The following IQSEC1 variants were observed in gnomAD, a reference collection of about 807,000 sequenced individuals.
The protein encoded by IQSEC1 is IQ motif and SEC7 domain-containing protein 1.
IQSEC1 carries 31 observed loss-of-function variants against 91.0 expected under a neutral mutation model. That is an observed-to-expected ratio of 0.34 (90% confidence interval 0.26 to 0.46). The LOEUF (loss-of-function observed/expected upper bound fraction) is 0.46. IQSEC1 is among the 20% of genes least tolerant of loss of function. The pLI is 1.00. For synonymous variants in IQSEC1, 699 were observed against 662.6 expected (o/e 1.05, Z -0.84); for missense variants, 1,388 against 1,575.6 (o/e 0.88, Z 2.02).
At chr3:13,169,766 A>C (rs1390584730) in intron 1 of IQSEC1, among the ~76,000 whole-genome samples, 1 of 152,220 alleles carries the variant, frequency 6.6e-6, no homozygotes, top group African/African-American at 2.4e-5. Context: ...TGAACTTGAG[A>C]GAGATGATTT....
intron 1 of IQSEC1, chr3:12,987,015 G>T (rs555154307): frequency 1.6e-5 from 7 of 443,026 alleles, no homozygotes; most frequent in South Asian, 6.3e-5. Context: ...ACAAACAGCC[G>T]CAGCCTGGCT....
At position 12,900,932 on chromosome 3, in the gene IQSEC1, C is replaced by T. The variant is rs368586258; in HGVS notation, c.*51G>A. On this transcript the variant is annotated 3_prime_UTR_variant, in exon 14 of 14. Transcript: ENST00000613206. ...GCGGCTGGCGACCCCCGGGCGTGCC[C>T]TGTGTGGTGTGCAGGTGTTTCAGGG... 16 of 1,538,086 alleles carry T rather than the reference C, an allele frequency of 1.0e-5. No individual in the cohort carries two copies. The highest frequency in any genetic ancestry group is 9.8e-5 in the East Asian group (4 of 40,890).
At chr3:13,028,156 A>G (rs1308324400) in intron 1 of IQSEC1, among the ~76,000 whole-genome samples, 1 of 146,394 alleles carries the variant, frequency 6.8e-6, no homozygotes, top group Non-Finnish European at 1.5e-5. Flanking sequence ...TTGCTTATCC[A>G]TTTCTCACGC....
chr3:12,923,931 TTTC>T (rs1355523968), intron 4 of IQSEC1, among the ~76,000 whole-genome samples: 4 of 152,230 alleles, frequency 2.6e-5, no homozygotes, highest in African/African-American at 9.6e-5. Flanking sequence ...TTCTGCAGGC[TTTC>T]AAGTAGCCGG....
At chr3:13,144,765 C>G (rs929803302) in intron 2 of IQSEC1, among the ~76,000 whole-genome samples, 6 of 152,216 alleles carry the variant, frequency 3.9e-5, no homozygotes, top group African/African-American at 1.4e-4. Flanking sequence ...CCTGGAGGCA[C>G]GAAAAGGCCA....
chr3:13,067,745 G>C (rs1406297431), intron 1 of IQSEC1, among the ~76,000 whole-genome samples: 1 of 152,234 alleles, frequency 6.6e-6, no homozygotes, highest in African/African-American at 2.4e-5. Flanking sequence ...CACTGGCTGT[G>C]ACCCTGAGCA....
At chr3:13,081,989 C>G (rs1705653386) in intron 2 of IQSEC1, among the ~76,000 whole-genome samples, 1 of 152,308 alleles carries the variant, frequency 6.6e-6, no homozygotes, top group South Asian at 2.1e-4. Flanking sequence ...TGAATGAGAG[C>G]AGGGCCACCG....
intron 1 of IQSEC1, among the ~76,000 whole-genome samples, chr3:12,951,504 A>G (rs1169247370): frequency 6.6e-6 from 1 of 152,076 alleles, no homozygotes; most frequent in African/African-American, 2.4e-5. Context: ...CCAGCAAGAC[A>G]GGAACAGTGA....
At chr3:13,190,641 A>G (rs1435380822) in intron 1 of IQSEC1, among the ~76,000 whole-genome samples, 1 of 152,166 alleles carries the variant, frequency 6.6e-6, no homozygotes, top group Non-Finnish European at 1.5e-5. Flanking sequence ...AGTGTCTACG[A>G]AGGATGGAAT....
chr3:12,902,136 C>T (rs185838594), intron 13 of IQSEC1, among the ~76,000 whole-genome samples: 2 of 152,172 alleles, frequency 1.3e-5, no homozygotes, highest in Non-Finnish European at 1.5e-5. Flanking sequence ...AAGAAGGTAA[C>T]AGAAAAAGAT....
chr3:12,994,640 C>T lies in IQSEC1; in HGVS notation c.24-52775G>A, dbSNP rs1017778126. On this transcript the variant is annotated intron_variant, in intron 1 of 13. Transcript: ENST00000613206. The surrounding 1 kb of genome is among the most constrained non-coding windows in gnomAD (Gnocchi z 4.5). ...AACGCCCCACCCCCGCCGCCGTCCC[C>T]AGTTCGCAGATGGGAACACTGAGGC... is the stretch of plus-strand genomic sequence containing the variant. 6.6e-6 allele frequency among the ~76,000 whole-genome samples: 1 copy of T among 152,250 alleles called. No homozygotes were observed. Among genetic ancestry groups the T allele is most frequent in the Non-Finnish European group, 1.5e-5 (1 of 68,046 alleles).
At chr3:12,921,806 G>A (rs1696656602) in intron 5 of IQSEC1, among the ~76,000 whole-genome samples, 1 of 152,204 alleles carries the variant, frequency 6.6e-6, no homozygotes, top group Non-Finnish European at 1.5e-5. Flanking sequence ...AGAGCATTCA[G>A]AATCCTGATG....
At chr3:13,089,772 GGGA>G (rs1375787189) in intron 2 of IQSEC1, among the ~76,000 whole-genome samples, 1 of 152,214 alleles carries the variant, frequency 6.6e-6, no homozygotes, top group African/African-American at 2.4e-5. Context: ...GCCAGGGAAT[GGGA>G]GGAGGCCTAG....
intron 2 of IQSEC1, among the ~76,000 whole-genome samples, chr3:13,109,315 G>C (rs1165850195): frequency 6.6e-6 from 1 of 152,086 alleles, no homozygotes; most frequent in Non-Finnish European, 1.5e-5. Flanking sequence ...TAAAAGAAGA[G>C]AGATGAAGGA....
chr3:13,085,623 C>T (rs1032429328), intron 2 of IQSEC1, among the ~76,000 whole-genome samples: 1 of 152,188 alleles, frequency 6.6e-6, no homozygotes, highest in Non-Finnish European at 1.5e-5. Flanking sequence ...AACAGCTCCC[C>T]CTTCATAGCC....
intron 12 of IQSEC1, among the ~76,000 whole-genome samples, chr3:12,906,682 C>G (rs13321478): frequency 0.045 from 6,913 of 152,284 alleles, 479 homozygotes; most frequent in African/African-American, 0.15. Flanking sequence ...TCACACGAAC[C>G]TGGGGCCGGC....
chr3:13,027,404 C>T (rs771324900), intron 1 of IQSEC1, among the ~76,000 whole-genome samples: 8 of 152,188 alleles, frequency 5.3e-5, no homozygotes, highest in Non-Finnish European at 1.0e-4. Context: ...AAAGGGCCAG[C>T]GTCCAAGTTG....
Position 12,899,687 on chromosome 3 carries a change from C to T in IQSEC1, c.*1296G>A, listed in dbSNP as rs1365179731. 2.0e-6 allele frequency: 2 copies of T among 985,314 alleles called. No homozygotes were observed. Among genetic ancestry groups the T allele is most frequent in the Non-Finnish European group, 2.4e-6 (2 of 829,948 alleles). 61.0% of individuals were successfully genotyped at this position (985,314 alleles called of 1,614,324 possible). Reference sequence around the variant, plus strand: ...CATGGCTACATGGAATTACGGTGATCACTGCTACCACTCAGAAAACAAAAC... The same window carrying T: ...CATGGCTACATGGAATTACGGTGATTACTGCTACCACTCAGAAAACAAAAC... On this transcript the variant is annotated 3_prime_UTR_variant, in exon 14 of 14. Transcript: ENST00000613206.
At chr3:12,974,230 A>G (rs1426791527) in intron 1 of IQSEC1, among the ~76,000 whole-genome samples, 3 of 152,166 alleles carry the variant, frequency 2.0e-5, no homozygotes, top group Admixed American at 2.0e-4. Context: ...TTTCTTTAGC[A>G]CACAAAACAG....
Sources: gnomAD v4.1 joint callset for allele counts (sites outside exome capture counted in the v4.1 genomes callset) on GRCh38, gnomAD v4.1.1 for gene constraint, Gnocchi (gnomAD v3.1) non-coding constraint, MANE v1.5 for transcripts, NCBI Gene and HGNC (gene_info 2026-07-23, HGNC 2026-07-21) for gene names.